Variants in SWT1 observed in about 807,000 individuals in gnomAD.
SWT1 encodes transcriptional protein SWT1.
Under a neutral mutation model 107.3 loss-of-function variants are expected in SWT1, and 33 were observed. The ratio of observed to expected loss-of-function variants is 0.31; its 90% CI spans 0.23 to 0.41. The LOEUF is 0.41. Ranked by LOEUF, SWT1 falls within the 10% of genes least tolerant of loss-of-function variation. The pLI, the probability that SWT1 is intolerant of heterozygous loss-of-function variation, is 1.00. For missense variants in SWT1, 898 were observed against 1,028.9 expected, an observed-to-expected ratio of 0.87 and a Z score of 1.74; for synonymous variants, 345 against 348.3, an observed-to-expected ratio of 0.99 and a Z score of 0.11.
chr1:185,159,615 G>A (rs528748019), intron 1 of SWT1, among the ~76,000 whole-genome samples: 1 of 152,336 alleles, frequency 6.6e-6, no homozygotes, highest in Admixed American at 6.5e-5. Flanking sequence ...AAGGAGCTCA[G>A]TGTCTAGTAG....
intron 18 of SWT1, among the ~76,000 whole-genome samples, chr1:185,277,864 A>T (rs1664349535): frequency 6.6e-6 from 1 of 151,220 alleles, no homozygotes; most frequent in African/African-American, 2.4e-5. Context: ...AAGTTGATTT[A>T]TTTTGCTGAT....
chr1:185,255,493 G>A (rs1386918322), intron 16 of SWT1, among the ~76,000 whole-genome samples: 1 of 129,908 alleles, frequency 7.7e-6, no homozygotes, highest in Non-Finnish European at 1.6e-5. Context: ...ATTTAGGATA[G>A]TTAGCTCTTC....
At chr1:185,187,513 C>G (rs962840948) in intron 9 of SWT1, among the ~76,000 whole-genome samples, 1 of 151,786 alleles carries the variant, frequency 6.6e-6, no homozygotes, top group African/African-American at 2.4e-5. Context: ...GACACTGTTC[C>G]AAGTGTTGGC....
intron 16 of SWT1, among the ~76,000 whole-genome samples, chr1:185,236,177 C>T (rs1469409196): frequency 6.6e-6 from 1 of 152,166 alleles, no homozygotes; most frequent in African/African-American, 2.4e-5. Flanking sequence ...TGACTTTCTT[C>T]ACAGAATTGG....
At chr1:185,173,069 A>C (rs1356276094) in intron 4 of SWT1, among the ~76,000 whole-genome samples, 1 of 151,472 alleles carries the variant, frequency 6.6e-6, no homozygotes, top group Admixed American at 6.6e-5. Context: ...AAAGAAGAAA[A>C]TGGTATGTTA....
In SWT1 at chr1:185,181,971, C is replaced by G. The variant is rs757295166; in HGVS notation, c.1052C>G (p.Ala351Gly). Residue 351 changes from alanine (A) to glycine (G), a missense_variant, in exon 7 of 19, where the codon GCT becomes GGT. Around this residue, in one of 6 missense-constraint regions of SWT1, gnomAD observed 94 missense variants for 114.5 expected, o/e 0.82. Transcript: ENST00000367500. Reference protein sequence around the residue: ...QEMQIVEELHAARVGKSVDLP... With the variant: ...QEMQIVEELHGARVGKSVDLP... ...ATGCAGATAGTAGAAGAGCTTCATG[C>G]TGCACGTGTGGGAAAAAGTGTGGAT... is the stretch of plus-strand genomic sequence containing the variant. The G allele has an allele frequency of 6.2e-7, 1 of 1,613,856 alleles. No homozygotes were observed. Among genetic ancestry groups the G allele is most frequent in the South Asian group, 1.1e-5 (1 of 91,078 alleles).
intron 10 of SWT1, among the ~76,000 whole-genome samples, chr1:185,196,915 T>A (rs1311205970): frequency 1.3e-5 from 2 of 152,204 alleles, no homozygotes; most frequent in African/African-American, 2.4e-5. Context: ...CAATTTGACT[T>A]CTTCTCTTCG....
At chr1:185,167,359 A>C (rs1347136550) in intron 3 of SWT1, among the ~76,000 whole-genome samples, 1 of 152,248 alleles carries the variant, frequency 6.6e-6, no homozygotes, top group Non-Finnish European at 1.5e-5. Context: ...CAGATTAAAC[A>C]CAATACGCTA....
chr1:185,196,528 A>G (rs1428769952), intron 10 of SWT1, among the ~76,000 whole-genome samples: 1 of 152,216 alleles, frequency 6.6e-6, no homozygotes, highest in Non-Finnish European at 1.5e-5. Context: ...GAAGAAAGCC[A>G]ATGGTAGCTT....
chr1:185,181,866 A>C, intron 6 of SWT1, 80 bp from the exon 7 acceptor site: 1 of 1,480,878 alleles, frequency 6.8e-7, no homozygotes, highest in Non-Finnish European at 9.3e-7. Context: ...CAAGTGAATT[A>C]ATTAAGAATT....
At chr1:185,181,594 C>G (rs1293915327) in intron 6 of SWT1, among the ~76,000 whole-genome samples, 2 of 152,134 alleles carry the variant, frequency 1.3e-5, no homozygotes, top group African/African-American at 4.8e-5. Context: ...ACTTTAATGT[C>G]TAGGTATTTG....
chr1:185,161,366 A>T (rs935613284), intron 2 of SWT1, among the ~76,000 whole-genome samples: 1 of 152,178 alleles, frequency 6.6e-6, no homozygotes, highest in Non-Finnish European at 1.5e-5. Context: ...ATTGGGGAAG[A>T]CATACTTACC....
chr1:185,237,710 A>C (rs1660991922), intron 16 of SWT1, among the ~76,000 whole-genome samples: 1 of 151,978 alleles, frequency 6.6e-6, no homozygotes, highest in Non-Finnish European at 1.5e-5. Context: ...AATAATAATA[A>C]TACTAAAGTA....
At chr1:185,254,336 A>G (rs2102660390) in intron 16 of SWT1, among the ~76,000 whole-genome samples, 1 of 133,554 alleles carries the variant, frequency 7.5e-6, no homozygotes, top group East Asian at 2.2e-4. Context: ...ATTGATTGGA[A>G]TAGTTTCAGA....
At chr1:185,160,631 G>C (rs6699626) in intron 1 of SWT1, among the ~76,000 whole-genome samples, 55,719 of 151,794 alleles carry the variant, frequency 0.37, 10,299 homozygotes, top group African/African-American at 0.4. Flanking sequence ...GAACCCGGTA[G>C]GCAGAGGTTG....
intron 4 of SWT1, among the ~76,000 whole-genome samples, chr1:185,170,526 C>T (rs1654957076): frequency 6.6e-6 from 1 of 152,198 alleles, no homozygotes; most frequent in Admixed American, 6.5e-5. Context: ...TTCAGGAGAG[C>T]CTCCAGAGCT....
chr1:185,282,220 C>G (rs1450999160), intron 18 of SWT1, among the ~76,000 whole-genome samples: 3 of 152,182 alleles, frequency 2.0e-5, no homozygotes, highest in African/African-American at 4.8e-5. Flanking sequence ...TCCACCCATT[C>G]TCTGCCTTTT....
intron 14 of SWT1, among the ~76,000 whole-genome samples, chr1:185,220,395 ATTC>A (rs1553258104): frequency 2.0e-5 from 3 of 151,720 alleles, no homozygotes; most frequent in East Asian, 1.9e-4. Flanking sequence ...TCTCTTTCTT[ATTC>A]TTCTTCTCAG....
intron 18 of SWT1, among the ~76,000 whole-genome samples, chr1:185,278,527 A>T (rs1664401896): frequency 6.6e-6 from 1 of 152,200 alleles, no homozygotes; most frequent in African/African-American, 2.4e-5. Flanking sequence ...AGGCAAATTC[A>T]TGAGGAGCTA....
Sources: allele counts gnomAD v4.1 joint callset (sites outside exome capture counted in the v4.1 genomes callset), GRCh38; gene constraint gnomAD v4.1.1; regional missense constraint gnomAD v4.1.1; transcripts MANE v1.5; gene names NCBI Gene and HGNC (gene_info 2026-07-23, HGNC 2026-07-21).